The following RPH3A variants were observed in gnomAD, a reference collection of about 807,000 sequenced individuals.
The protein encoded by RPH3A is rabphilin 3A.
In RPH3A, 48 loss-of-function variants were observed where a neutral mutation model predicts 102.2. The observed-to-expected ratio is 0.47, with a 90% confidence interval of 0.37 to 0.60. RPH3A has a LOEUF of 0.60. Ranked by LOEUF, RPH3A falls within the 20% of genes least tolerant of loss-of-function variation. The pLI is 0.00. For missense variants in RPH3A, 781 were observed against 910.1 expected, an observed-to-expected ratio of 0.86 and a Z score of 1.83; for synonymous variants, 310 against 324.3, an observed-to-expected ratio of 0.96 and a Z score of 0.47.
At chr12:112,656,797 A>G (rs11611483) in intron 1 of RPH3A, among the ~76,000 whole-genome samples, 5,565 of 151,708 alleles carry the variant, frequency 0.037, 202 homozygotes, top group South Asian at 0.11. Context: ...GTGTGTGTGT[A>G]TATATATATA....
chr12:112,714,056 G>A (rs1387555419), intron 1 of RPH3A, among the ~76,000 whole-genome samples: 2 of 152,102 alleles, frequency 1.3e-5, no homozygotes, highest in African/African-American at 4.8e-5. Flanking sequence ...ATAGGTGGTT[G>A]GTACATGAAG....
chr12:112,586,667 T>C (rs888335470), intron 1 of RPH3A, among the ~76,000 whole-genome samples: 4 of 152,196 alleles, frequency 2.6e-5, no homozygotes, highest in African/African-American at 9.7e-5. Context: ...AAGGTGTTTG[T>C]ATTTCATTTT....
intron 1 of RPH3A, among the ~76,000 whole-genome samples, chr12:112,779,761 A>G (rs2040994241): frequency 6.6e-6 from 1 of 152,198 alleles, no homozygotes; most frequent in Non-Finnish European, 1.5e-5. Context: ...CCAGAACCTC[A>G]GAATGTGACC....
At chr12:112,775,120 T>C (rs1271768788) in intron 1 of RPH3A, among the ~76,000 whole-genome samples, 1 of 152,134 alleles carries the variant, frequency 6.6e-6, no homozygotes, top group Admixed American at 6.6e-5. Flanking sequence ...GCTTAATACC[T>C]AGGTGATGGG....
chr12:112,743,679 GT>G lies in RPH3A; in HGVS notation c.-139-48455del, dbSNP rs552108908. ...AGTACATCTTGAATAGGAGTTTAGGGTTTTTTTTTCCCCCCAAGGGCAATAG... is the reference window on the plus strand; with the variant it reads ...AGTACATCTTGAATAGGAGTTTAGGGTTTTTTTTCCCCCCAAGGGCAATAG... On this transcript the variant is annotated intron_variant, in intron 1 of 21. Coordinates refer to the RPH3A transcript ENST00000543106. Among the ~76,000 whole-genome samples, 214 of 151,650 alleles carry G rather than the reference GT, an allele frequency of 1.4e-3. 2 individuals carry two copies. The highest frequency in any genetic ancestry group is 0.012 in the South Asian group (55 of 4,776).
chr12:112,868,346 G>T, intron 7 of RPH3A, 84 bp from the exon 8 acceptor site: 1 of 1,399,078 alleles, frequency 7.1e-7, no homozygotes, highest in East Asian at 2.3e-5. Flanking sequence ...TGGATGAGGA[G>T]GAAAGATAAA....
intron 1 of RPH3A, among the ~76,000 whole-genome samples, chr12:112,659,090 C>G (rs2040032966): frequency 6.6e-6 from 1 of 152,160 alleles, no homozygotes; most frequent in Non-Finnish European, 1.5e-5. Flanking sequence ...CCCACTGAAT[C>G]ACTTGAGAGT....
At chr12:112,851,148 G>T (rs4767018) in intron 5 of RPH3A, among the ~76,000 whole-genome samples, 73,516 of 151,948 alleles carry the variant, frequency 0.48, 18,560 homozygotes, top group African/African-American at 0.61. Flanking sequence ...GCACTTACTA[G>T]GTATGTGCTT....
intron 1 of RPH3A, among the ~76,000 whole-genome samples, chr12:112,607,775 A>AATTTCTCTTCCTCC (rs2039607776): frequency 6.6e-6 from 1 of 152,196 alleles, no homozygotes; most frequent in Admixed American, 6.5e-5. Flanking sequence ...TTCTCTCTGC[A>AATTTCTCTTCCTCC]ATTTCTCTTC....
chr12:112,591,669 C>T (rs1319511266), intron 1 of RPH3A: 1 of 152,204 alleles, frequency 6.6e-6, no homozygotes, highest in African/African-American at 2.4e-5. Flanking sequence ...CTGCACTCTG[C>T]ATTGTTTTGG....
intron 10 of RPH3A, among the ~76,000 whole-genome samples, chr12:112,872,462 A>T (rs1023994954): frequency 2.6e-5 from 4 of 152,150 alleles, no homozygotes; most frequent in African/African-American, 9.6e-5. Flanking sequence ...GTCTTATCAG[A>T]TATATAATTT....
intron 1 of RPH3A, among the ~76,000 whole-genome samples, chr12:112,615,301 CT>C (rs962746811): frequency 2.0e-5 from 3 of 152,134 alleles, no homozygotes; most frequent in Non-Finnish European, 4.4e-5. Context: ...GATGGGCTGG[CT>C]TCCTGCCCCC....
At chr12:112,590,832 C>T (rs1287315680) in intron 1 of RPH3A, among the ~76,000 whole-genome samples, 5 of 152,128 alleles carry the variant, frequency 3.3e-5, no homozygotes, top group South Asian at 2.1e-4. Flanking sequence ...TTAAGAGATG[C>T]GGTCTCACTC....
intron 1 of RPH3A, among the ~76,000 whole-genome samples, chr12:112,764,869 A>T (rs1236516850): frequency 6.6e-6 from 1 of 151,868 alleles, no homozygotes; most frequent in Non-Finnish European, 1.5e-5. Context: ...GAGCTTTTTC[A>T]TCCCCCCATA....
intron 1 of RPH3A, among the ~76,000 whole-genome samples, chr12:112,712,710 G>GTTTGT (rs1403989701): frequency 6.6e-6 from 1 of 151,436 alleles, no homozygotes; most frequent in African/African-American, 2.4e-5. Context: ...TATTTTGTTT[G>GTTTGT]TTTGTTTTGT....
intron 1 of RPH3A, among the ~76,000 whole-genome samples, chr12:112,661,495 G>A (rs188998909): frequency 6.6e-6 from 1 of 152,306 alleles, no homozygotes; most frequent in African/African-American, 2.4e-5. Context: ...AAAGTGGTTG[G>A]TAAATGTGCA....
rs2042950961 is a variant in RPH3A at position 112,883,298 on chromosome 12, C to A, written c.1332C>A (p.Asn444Lys). The A allele has an allele frequency of 6.2e-7, 1 of 1,613,846 alleles. No homozygotes were observed. Among genetic ancestry groups the A allele is most frequent in the Non-Finnish European group, 8.5e-7 (1 of 1,179,776 alleles). The change falls in exon 16 of 22, where the codon AAC becomes AAA. Residue 444 changes from asparagine to lysine, a missense_variant. By Grantham distance (94) the Asn-to-Lys change is moderately conservative. This residue lies in a region of RPH3A where 730 missense variants were observed against 810.0 expected (regional missense o/e 0.90). Coordinates refer to ENST00000389385, the MANE Select transcript of RPH3A (RefSeq NM_001143854.2). ...LHLLPGASKS[N>K]KLRTKTLRNT... is the part of the protein sequence containing the mutation. ...CCATCTCTCTCGGGCTCTAGTCCAA[C>A]AAGCTTCGTACAAAAACTCTGCGGA... is the stretch of plus-strand genomic sequence containing the variant.
At chr12:112,636,488 A>T (rs893329354) in intron 1 of RPH3A, among the ~76,000 whole-genome samples, 1 of 152,176 alleles carries the variant, frequency 6.6e-6, no homozygotes, top group Non-Finnish European at 1.5e-5. Context: ...GGTCTTCATG[A>T]TGGCTAGGGA....
chr12:112,897,733 A>G lies in RPH3A; in HGVS notation c.*953A>G, dbSNP rs1206381902. 1 of 152,414 alleles carries G rather than the reference A, an allele frequency of 6.6e-6. No individual in the cohort carries two copies. Among genetic ancestry groups the G allele is most frequent in the Non-Finnish European group, 1.5e-5 (1 of 68,204 alleles). 9.4% of individuals were successfully genotyped at this position (152,414 alleles called of 1,614,324 possible). On this transcript the variant is annotated 3_prime_UTR_variant, in exon 22 of 22. Coordinates refer to ENST00000389385, the MANE Select transcript of RPH3A (RefSeq NM_001143854.2). ...GATTCCACTTGGGCCCACGCTTCTT[A>G]ACTGACCCACTCCTCCCGTTGGCAG...
Sources: gnomAD v4.1 joint callset for allele counts (sites outside exome capture counted in the v4.1 genomes callset) on GRCh38, gnomAD v4.1.1 for gene constraint, gnomAD v4.1.1 regional missense constraint, MANE v1.5 for transcripts, NCBI Gene and HGNC (gene_info 2026-07-23, HGNC 2026-07-21) for gene names.